SLC35D4: variants seen among roughly 807,000 people sequenced by gnomAD.
The protein encoded by SLC35D4 is UDP-N-acetylglucosamine transporter SLC35D4.
chr18:23,423,996 G>A, the SLC35D4 span, among the ~76,000 whole-genome samples: 1 of 152,194 alleles, frequency 6.6e-6, no homozygotes, highest in African/African-American at 2.4e-5. Flanking sequence ...GCATGGGAGT[G>A]ACACGTCGCA....
chr18:23,344,957 C>T, the SLC35D4 span, among the ~76,000 whole-genome samples: 1 of 152,142 alleles, frequency 6.6e-6, no homozygotes, highest in Non-Finnish European at 1.5e-5. Flanking sequence ...AAGTAAACTA[C>T]ATTTTATCAA....
chr18:23,361,377 T>C, the SLC35D4 span, among the ~76,000 whole-genome samples: 1 of 152,136 alleles, frequency 6.6e-6, no homozygotes, highest in African/African-American at 2.4e-5. Flanking sequence ...CTGTTCTACC[T>C]TGAAGTGGGC....
the SLC35D4 span, among the ~76,000 whole-genome samples, chr18:23,394,759 G>T: frequency 6.6e-6 from 1 of 151,882 alleles, no homozygotes; most frequent in Non-Finnish European, 1.5e-5. Context: ...ATCATCTGAG[G>T]TCGGGAGTTT....
At chr18:23,244,117 C>T in the SLC35D4 span, among the ~76,000 whole-genome samples, 1 of 152,236 alleles carries the variant, frequency 6.6e-6, no homozygotes, top group African/African-American at 2.4e-5. Context: ...GCCACTGTTT[C>T]AGCAGCTTGC....
At chr18:23,353,673 G>A in the SLC35D4 span, among the ~76,000 whole-genome samples, 9 of 152,152 alleles carry the variant, frequency 5.9e-5, no homozygotes, top group Admixed American at 5.9e-4. Context: ...AGTCATGGGA[G>A]GCTGAACAGC....
At chr18:23,387,472 A>G in the SLC35D4 span, among the ~76,000 whole-genome samples, 3 of 152,206 alleles carry the variant, frequency 2.0e-5, no homozygotes, top group Non-Finnish European at 4.4e-5. Context: ...AAGGGTGTCA[A>G]TAACATTAAC....
chr18:23,333,864 G>C, the SLC35D4 span, among the ~76,000 whole-genome samples: 3 of 152,272 alleles, frequency 2.0e-5, no homozygotes. Flanking sequence ...CCTGAGACTT[G>C]AAAATAATGG....
At chr18:23,396,671 C>G in the SLC35D4 span, among the ~76,000 whole-genome samples, 1 of 151,880 alleles carries the variant, frequency 6.6e-6, no homozygotes, top group Non-Finnish European at 1.5e-5. Context: ...CCCAGCTACT[C>G]GGGAGGCTGA....
At chr18:23,367,352 C>T in the SLC35D4 span, among the ~76,000 whole-genome samples, 1 of 152,088 alleles carries the variant, frequency 6.6e-6, no homozygotes, top group Non-Finnish European at 1.5e-5. Flanking sequence ...TTATTCCTAA[C>T]CAACGCAATC....
chr18:23,317,467 T>C, the SLC35D4 span, among the ~76,000 whole-genome samples: 3 of 152,316 alleles, frequency 2.0e-5, no homozygotes, highest in Admixed American at 1.3e-4. Flanking sequence ...TACTGCACCA[T>C]TTTACATTTC....
the SLC35D4 span, among the ~76,000 whole-genome samples, chr18:23,383,395 T>A: frequency 7.7e-6 from 1 of 129,588 alleles, no homozygotes; most frequent in East Asian, 2.4e-4. Context: ...GGAGGGGGCA[T>A]GAAGGCCACG....
At chr18:23,285,426 G>A in the SLC35D4 span, among the ~76,000 whole-genome samples, 1 of 152,122 alleles carries the variant, frequency 6.6e-6, no homozygotes, top group Non-Finnish European at 1.5e-5. Flanking sequence ...GCTTGACCCC[G>A]AGACAAACTG....
the SLC35D4 span, among the ~76,000 whole-genome samples, chr18:23,286,237 A>G: frequency 1.3e-5 from 2 of 152,198 alleles, no homozygotes; most frequent in Non-Finnish European, 2.9e-5. Context: ...CCACATCTCC[A>G]GCACACAAGA....
the SLC35D4 span, chr18:23,298,115 G>C: frequency 1.2e-6 from 2 of 1,610,680 alleles, no homozygotes; most frequent in Non-Finnish European, 1.7e-6. Flanking sequence ...CGGGACCCCT[G>C]AGCTGCCTGG....
chr18:23,239,615 T>C, the SLC35D4 span, among the ~76,000 whole-genome samples: 1 of 152,134 alleles, frequency 6.6e-6, no homozygotes, highest in Non-Finnish European at 1.5e-5. Context: ...TTTGCTTTAT[T>C]TTTGTGTGTT....
At chr18:23,340,968 G>T in the SLC35D4 span, among the ~76,000 whole-genome samples, 2 of 152,254 alleles carry the variant, frequency 1.3e-5, no homozygotes, top group Non-Finnish European at 2.9e-5. Flanking sequence ...ATTCTCATGT[G>T]AGGATTGAAA....
At chr18:23,372,179 G>A in the SLC35D4 span, among the ~76,000 whole-genome samples, 5 of 151,088 alleles carry the variant, frequency 3.3e-5, no homozygotes, top group East Asian at 2.0e-4. Context: ...CTCGTGATCC[G>A]CCCGCCTCGG....
At chr18:23,269,745 G>A in the SLC35D4 span, among the ~76,000 whole-genome samples, 1 of 152,192 alleles carries the variant, frequency 6.6e-6, no homozygotes, top group Non-Finnish European at 1.5e-5. Context: ...TGAGGAACTT[G>A]TTGGGAACTG....
At chr18:23,351,413 AAAC>A in the SLC35D4 span, among the ~76,000 whole-genome samples, 1 of 66,738 alleles carries the variant, frequency 1.5e-5, no homozygotes, top group South Asian at 7.3e-4. Flanking sequence ...TCTCAAAACA[AAAC>A]AAAACAAAAA....
Sources: gnomAD v4.1 joint callset for allele counts (sites outside exome capture counted in the v4.1 genomes callset) on GRCh38, gnomAD v4.1.1 for gene constraint, MANE v1.5 for transcripts, NCBI Gene and HGNC (gene_info 2026-07-23, HGNC 2026-07-21) for gene names.